The following STX8 variants were observed in gnomAD, a reference collection of about 807,000 sequenced individuals.
The protein encoded by STX8 is syntaxin-8.
Under a neutral mutation model 37.5 loss-of-function variants are expected in STX8, and 23 were observed. The ratio of observed to expected loss-of-function variants is 0.61; its 90% CI spans 0.44 to 0.87. The LOEUF is 0.87. STX8 is among the 40% of genes least tolerant of loss of function. The pLI is 0.00. For synonymous variants in STX8, 115 were observed against 99.1 expected (o/e 1.16, Z -0.95); for missense variants, 313 against 284.7 (o/e 1.10, Z -0.71).
At chr17:9,527,964 G>A (rs527914796) in intron 4 of STX8, among the ~76,000 whole-genome samples, 10 of 152,238 alleles carry the variant, frequency 6.6e-5, no homozygotes, top group Non-Finnish European at 1.0e-4. Context: ...ACAACCCAAC[G>A]TCCATCAAAT....
chr17:9,454,444 C>T (rs1373148348), intron 6 of STX8, among the ~76,000 whole-genome samples: 5 of 152,094 alleles, frequency 3.3e-5, no homozygotes, highest in South Asian at 2.1e-4. Context: ...TCTGGGAGGC[C>T]GAGGCGGGCA....
intron 7 of STX8, among the ~76,000 whole-genome samples, chr17:9,317,926 C>T (rs1440889968): frequency 6.6e-6 from 1 of 152,170 alleles, no homozygotes; most frequent in Non-Finnish European, 1.5e-5. Flanking sequence ...GGAGTTTCCC[C>T]AGTGACCTGG....
At chr17:9,471,956 C>T (rs1295229131) in intron 6 of STX8, among the ~76,000 whole-genome samples, 2 of 152,146 alleles carry the variant, frequency 1.3e-5, no homozygotes, top group Admixed American at 6.6e-5. Context: ...ACCATGAACA[C>T]TGAATTAGCA....
At chr17:9,451,820 A>G (rs779130839) in intron 6 of STX8, among the ~76,000 whole-genome samples, 7 of 152,108 alleles carry the variant, frequency 4.6e-5, no homozygotes, top group Non-Finnish European at 8.8e-5. Flanking sequence ...GATGGACACC[A>G]TGAATTCTTA....
rs1185400337 is a variant in STX8 at position 9,414,083 on chromosome 17, C to CAGCCAATCATCT, written c.542-35431_542-35430insAGATGATTGGCT. Among the ~76,000 whole-genome samples, 113 of 26,458 alleles carry CAGCCAATCATCT rather than the reference C, an allele frequency of 4.3e-3. 1 individual carries two copies. The highest frequency in any genetic ancestry group is 0.013 in the East Asian group (11 of 834). The allele number at this position is 26,458 out of a possible 152,430, so 17.4% of individuals were successfully genotyped here. On this transcript the variant is annotated intron_variant, in intron 6 of 7. Transcript: ENST00000306357. ...CCATCCATCCATCCACCCATCTGTC[C>CAGCCAATCATCT]ATCCATCCATCCATCCATCCATCCA...
chr17:9,359,364 GATAA>G (rs1396247941), intron 7 of STX8, among the ~76,000 whole-genome samples: 2 of 152,086 alleles, frequency 1.3e-5, no homozygotes, highest in African/African-American at 4.8e-5. Flanking sequence ...TCACCTTCAA[GATAA>G]ACACACTGGC....
intron 3 of STX8, 100 bp downstream of exon 3, chr17:9,557,334 G>C: frequency 1.1e-6 from 1 of 928,164 alleles, no homozygotes; most frequent in Non-Finnish European, 1.7e-6. Flanking sequence ...TCTTCCTCAA[G>C]CTGTGGGAAA....
rs747219224 is a variant in STX8, at chr17:9,378,564, A to C, written c.631T>G (p.Ser211Ala). ...AGCTATCTCTTACCACAAGAGGCTGACTTTCTGTCCACCATGTTTACCCGC... is the reference window on the plus strand; with the variant it reads ...AGCTATCTCTTACCACAAGAGGCTGCCTTTCTGTCCACCATGTTTACCCGC... Reference protein sequence around the residue: ...TRRVNMVDRKSASCGMIMVIL... With the variant: ...TRRVNMVDRKAASCGMIMVIL... The change falls in exon 7 of 8, where the codon TCA becomes GCA. Residue 211 changes from serine to alanine, a missense_variant. Transcript: ENST00000306357. The C allele has an allele frequency of 3.1e-6, 5 of 1,613,612 alleles. No individual in the cohort carries two copies. Among genetic ancestry groups the C allele is most frequent in the Non-Finnish European group, 4.2e-6 (5 of 1,179,610 alleles).
intron 6 of STX8, among the ~76,000 whole-genome samples, chr17:9,427,418 A>C (rs1243010111): frequency 1.3e-5 from 2 of 152,182 alleles, no homozygotes; most frequent in Non-Finnish European, 2.9e-5. Context: ...ACAAAAATCC[A>C]TGTCGGTATT....
At chr17:9,433,455 C>T (rs760842218) in intron 6 of STX8, among the ~76,000 whole-genome samples, 1 of 152,198 alleles carries the variant, frequency 6.6e-6, no homozygotes, top group South Asian at 2.1e-4. Context: ...CACAATATCA[C>T]TCATGAAAAG....
intron 6 of STX8, among the ~76,000 whole-genome samples, chr17:9,489,581 G>C (rs1178534831): frequency 6.6e-6 from 1 of 151,992 alleles, no homozygotes; most frequent in African/African-American, 2.4e-5. Flanking sequence ...ATGATCATCA[G>C]TTTGGTGGCT....
intron 7 of STX8, among the ~76,000 whole-genome samples, chr17:9,288,649 G>C (rs1818096826): frequency 6.6e-6 from 1 of 151,620 alleles, no homozygotes; most frequent in Non-Finnish European, 1.5e-5. Flanking sequence ...GTGACAGAGT[G>C]AGACTCCGTC....
chr17:9,340,435 C>A (rs117281516), intron 7 of STX8, among the ~76,000 whole-genome samples: 2 of 152,074 alleles, frequency 1.3e-5, no homozygotes, highest in Non-Finnish European at 2.9e-5. Flanking sequence ...TGTTAAGTAA[C>A]GGGAATTTAT....
At chr17:9,440,534 T>A (rs111891306) in intron 6 of STX8, among the ~76,000 whole-genome samples, 4 of 151,596 alleles carry the variant, frequency 2.6e-5, no homozygotes, top group African/African-American at 9.7e-5. Context: ...GATTTTTTTT[T>A]TTTTTTTTGA....
intron 6 of STX8, among the ~76,000 whole-genome samples, chr17:9,489,706 T>TTTTTTTTTTG (rs1597704231): frequency 6.7e-6 from 1 of 150,302 alleles, no homozygotes; most frequent in African/African-American, 2.5e-5. Flanking sequence ...TTTTTTTTTT[T>TTTTTTTTTTG]GAGATGGATT....
chr17:9,473,895 C>T (rs568827995), intron 6 of STX8, among the ~76,000 whole-genome samples: 1 of 152,300 alleles, frequency 6.6e-6, no homozygotes, highest in African/African-American at 2.4e-5. Flanking sequence ...CAGATAATAA[C>T]TCACGGTAGG....
intron 6 of STX8, among the ~76,000 whole-genome samples, chr17:9,439,134 A>T (rs1001224077): frequency 1.3e-5 from 2 of 152,252 alleles, no homozygotes; most frequent in East Asian, 3.9e-4. Context: ...CAAAAACGGG[A>T]TAAACCATAG....
chr17:9,371,803 T>TA (rs1452409884), intron 7 of STX8, among the ~76,000 whole-genome samples: 1 of 152,170 alleles, frequency 6.6e-6, no homozygotes, highest in South Asian at 2.1e-4. Context: ...TCGGGTTTCT[T>TA]AAGATGCTTT....
At chr17:9,531,647 A>C (rs1488359208) in intron 4 of STX8, among the ~76,000 whole-genome samples, 1 of 152,198 alleles carries the variant, frequency 6.6e-6, no homozygotes, top group East Asian at 1.9e-4. Context: ...GCTCAGTACT[A>C]CCCAAGCTTT....
Sources: allele counts gnomAD v4.1 joint callset (sites outside exome capture counted in the v4.1 genomes callset), GRCh38; gene constraint gnomAD v4.1.1; transcripts MANE v1.5; gene names NCBI Gene and HGNC (gene_info 2026-07-23, HGNC 2026-07-21).